The following SHROOM2 variants were observed in gnomAD, a reference collection of about 807,000 sequenced individuals.
SHROOM2 encodes the protein protein Shroom2.
Under a neutral mutation model 75.9 loss-of-function variants are expected in SHROOM2, and 33 were observed. The ratio of observed to expected loss-of-function variants is 0.43; its 90% CI spans 0.33 to 0.58. The LOEUF is 0.58. Among genes scored for constraint, SHROOM2 ranks in the 20% least tolerant of loss-of-function variants. SHROOM2 has a pLI of 0.04. For synonymous variants in SHROOM2, 655 were observed against 663.6 expected (o/e 0.99, Z 0.20); for missense variants, 1,434 against 1,461.2 (o/e 0.98, Z 0.30).
At chrX:9,943,536 G>C (rs1336654221) in intron 8 of SHROOM2, among the ~76,000 whole-genome samples, 1 of 111,613 alleles carries the variant, frequency 9.0e-6, no homozygotes, top group Non-Finnish European at 1.9e-5. Flanking sequence ...CATTTAGAAG[G>C]CTGGTGGGAA....
At chrX:9,842,260 C>G (rs1158792499) in intron 1 of SHROOM2, among the ~76,000 whole-genome samples, 3 of 112,315 alleles carry the variant, frequency 2.7e-5, no homozygotes, top group Non-Finnish European at 5.6e-5. Context: ...TGTTTTACTT[C>G]ACGATTGCTG....
At chrX:9,885,304 T>A (rs2084254870) in intron 2 of SHROOM2, among the ~76,000 whole-genome samples, 1 of 109,510 alleles carries the variant, frequency 9.1e-6, no homozygotes, top group Non-Finnish European at 1.9e-5. Flanking sequence ...CTGGGAGCCC[T>A]TGAAACTCAG....
At chrX:9,856,885 C>T (rs1862439549) in intron 1 of SHROOM2, among the ~76,000 whole-genome samples, 1 of 112,602 alleles carries the variant, frequency 8.9e-6, no homozygotes, top group Admixed American at 9.4e-5. Context: ...TGCCTTTCCC[C>T]CATCCGCTGG....
chrX:9,919,669 T>C (rs1008687877), intron 5 of SHROOM2, among the ~76,000 whole-genome samples: 3 of 110,479 alleles, frequency 2.7e-5, no homozygotes, highest in African/African-American at 9.9e-5. Context: ...ATGGCTTCCT[T>C]GGGGAGGGTC....
chrX:9,814,045 A>G (rs938039465), intron 1 of SHROOM2, among the ~76,000 whole-genome samples: 2 of 111,716 alleles, frequency 1.8e-5, no homozygotes, highest in African/African-American at 3.3e-5. Context: ...TCACGAATCT[A>G]TTTTGCAAGG....
At chrX:9,840,339 G>A (rs1237635735) in intron 1 of SHROOM2, among the ~76,000 whole-genome samples, 2 of 111,737 alleles carry the variant, frequency 1.8e-5, no homozygotes, top group Non-Finnish European at 3.8e-5. Flanking sequence ...GAGTGCAGTG[G>A]CATGATCATG....
At chrX:9,914,871 G>C (rs775854323) in intron 5 of SHROOM2, among the ~76,000 whole-genome samples, 1 of 111,928 alleles carries the variant, frequency 8.9e-6, no homozygotes, top group African/African-American at 3.2e-5. Context: ...CTCCAGGTAA[G>C]GCTGAATGTA....
At chrX:9,786,805 C>A in intron 1 of SHROOM2, 95 bp downstream of exon 1, 1 of 670,468 alleles carries the variant, frequency 1.5e-6, no homozygotes, top group Non-Finnish European at 1.9e-6. Context: ...GGTAGGCTCG[C>A]GCCCCCGGGT....
intron 1 of SHROOM2, among the ~76,000 whole-genome samples, chrX:9,841,449 T>A (rs1476991578): frequency 8.9e-6 from 1 of 111,832 alleles, no homozygotes; most frequent in Non-Finnish European, 1.9e-5. Context: ...GTTTCTGACT[T>A]GGGCCATCTA....
chrX:9,946,101 A>C (rs2084816036), intron 9 of SHROOM2, among the ~76,000 whole-genome samples: 1 of 112,773 alleles, frequency 8.9e-6, no homozygotes, highest in South Asian at 3.7e-4. Context: ...ACCGTGCCCG[A>C]GGGGGCTGCT....
At chrX:9,800,934 C>T (rs1306182703) in intron 1 of SHROOM2, among the ~76,000 whole-genome samples, 3 of 111,533 alleles carry the variant, frequency 2.7e-5, no homozygotes, top group Non-Finnish European at 3.8e-5. Context: ...TATGTTTTAT[C>T]GATCCTGCCT....
In SHROOM2 at chrX:9,936,522, G is replaced by A. The variant is rs185896070; in HGVS notation, c.3588-612G>A. Among the ~76,000 whole-genome samples the A allele has an allele frequency of 4.9e-3, 550 of 112,106 alleles. 1 individual carries two copies. Among genetic ancestry groups the A allele is most frequent in the Admixed American group, 0.017 (185 of 10,594 alleles). ...TCACTGGTGTGCAAATCTGTGCAAC[G>A]CTAGCTTGAAGCACAGCGGGCGGGG... On this transcript the variant is annotated intron_variant, in intron 6 of 9. Coordinates refer to ENST00000380913, the MANE Select transcript of SHROOM2 (RefSeq NM_001649.4).
chrX:9,805,563 C>G (rs966329508), intron 1 of SHROOM2, among the ~76,000 whole-genome samples: 4 of 111,184 alleles, frequency 3.6e-5, no homozygotes, highest in African/African-American at 1.3e-4. Context: ...TGGTGAAACC[C>G]TGTCTCTACT....
intron 1 of SHROOM2, among the ~76,000 whole-genome samples, chrX:9,855,804 C>A (rs2084067045): frequency 9.0e-6 from 1 of 111,314 alleles, no homozygotes; most frequent in Non-Finnish European, 1.9e-5. Flanking sequence ...TAGGCACACG[C>A]TTAACTCAGT....
intron 5 of SHROOM2, among the ~76,000 whole-genome samples, chrX:9,923,991 T>G (rs911411764): frequency 3.6e-5 from 4 of 112,489 alleles, no homozygotes; most frequent in Admixed American, 9.4e-5. Context: ...AGCAGACCTT[T>G]TTATCCATCT....
chrX:9,917,342 A>G (rs2084499197), intron 5 of SHROOM2, among the ~76,000 whole-genome samples: 1 of 111,580 alleles, frequency 9.0e-6, no homozygotes, highest in East Asian at 2.8e-4. Flanking sequence ...GTTCATTTTG[A>G]TACTCAAGTT....
At chrX:9,848,510 C>CACAAAAAAAAAAAA (rs1555927073) in intron 1 of SHROOM2, among the ~76,000 whole-genome samples, 2 of 22,023 alleles carry the variant, frequency 9.1e-5, no homozygotes, top group African/African-American at 3.1e-4. Context: ...GACTCCGTCT[C>CACAAAAAAAAAAAA]AAAAAAAAAA....
At chrX:9,897,908 C>T (rs757921290) in intron 4 of SHROOM2, among the ~76,000 whole-genome samples, 1 of 111,932 alleles carries the variant, frequency 8.9e-6, no homozygotes, top group Admixed American at 9.5e-5. Context: ...CAGGCTCTGA[C>T]GAGTACTAGA....
At chrX:9,881,263 A>G (rs1176259749) in intron 2 of SHROOM2, among the ~76,000 whole-genome samples, 2 of 111,929 alleles carry the variant, frequency 1.8e-5, no homozygotes, top group Non-Finnish European at 3.8e-5. Context: ...AAGCAAGGTC[A>G]TTGGTCTGCA....
Sources: gnomAD v4.1 joint callset for allele counts (sites outside exome capture counted in the v4.1 genomes callset) on GRCh38, gnomAD v4.1.1 for gene constraint, MANE v1.5 for transcripts, NCBI Gene and HGNC (gene_info 2026-07-23, HGNC 2026-07-21) for gene names.